The following SRPK2 variants were observed in gnomAD, a reference collection of about 807,000 sequenced individuals.
SRPK2 encodes SFRS protein kinase 2.
SRPK2 carries 21 observed loss-of-function variants against 90.8 expected under a neutral mutation model. The observed-to-expected ratio is 0.23, with a 90% CI of 0.16 to 0.33. The LOEUF is 0.33. Ranked by LOEUF, SRPK2 falls within the 10% of genes least tolerant of loss-of-function variation. SRPK2 has a pLI of 1.00. For missense variants in SRPK2, 620 were observed against 869.0 expected (o/e 0.71, Z 3.60); for synonymous variants, 288 against 311.1 (o/e 0.93, Z 0.78).
At chr7:105,183,485 TTGTC>T (rs983811449) in intron 3 of SRPK2, among the ~76,000 whole-genome samples, 1 of 152,098 alleles carries the variant, frequency 6.6e-6, no homozygotes, top group African/African-American at 2.4e-5. Context: ...GTTTGTTTGT[TTGTC>T]TATTTTTGTT....
chr7:105,275,993 T>C (rs1364273499), intron 2 of SRPK2, among the ~76,000 whole-genome samples: 1 of 152,182 alleles, frequency 6.6e-6, no homozygotes, highest in Non-Finnish European at 1.5e-5. Context: ...TCTGGCAAAT[T>C]TAATAAACTT....
intron 2 of SRPK2, among the ~76,000 whole-genome samples, chr7:105,262,307 G>C (rs758092072): frequency 6.6e-6 from 1 of 152,132 alleles, no homozygotes; most frequent in Non-Finnish European, 1.5e-5. Context: ...AAATTTTAGA[G>C]ACTAGGAACA....
intron 2 of SRPK2, among the ~76,000 whole-genome samples, chr7:105,272,453 A>G (rs989772634): frequency 6.6e-6 from 1 of 152,184 alleles, no homozygotes; most frequent in African/African-American, 2.4e-5. Context: ...ATTTTTAGTC[A>G]TAATTTTGTT....
intron 2 of SRPK2, among the ~76,000 whole-genome samples, chr7:105,326,626 C>A (rs1261275685): frequency 6.6e-6 from 1 of 152,118 alleles, no homozygotes; most frequent in Non-Finnish European, 1.5e-5. Context: ...TTTCAATGCC[C>A]AGAATTACAG....
intron 2 of SRPK2, among the ~76,000 whole-genome samples, chr7:105,275,888 G>A (rs928539660): frequency 6.6e-6 from 1 of 152,264 alleles, no homozygotes; most frequent in Middle Eastern, 3.4e-3. Context: ...TGAGGACCCT[G>A]ACTTTTGTCA....
rs906544416 is a variant in SRPK2 at position 105,168,153 on chromosome 7, C to T, written c.339-58G>A. On this transcript the variant is annotated intron_variant, in intron 4 of 15. Transcript: ENST00000393651. Reference sequence around the variant, plus strand: ...TCTATATTATCAGTAGAAAGAATCACTGGTATCCAGGTTGAGCATCCCTAA... The same window carrying T: ...TCTATATTATCAGTAGAAAGAATCATTGGTATCCAGGTTGAGCATCCCTAA... 3.6e-6 allele frequency: 5 copies of T among 1,397,020 alleles called. No homozygotes were observed. The East Asian group carries it at 1.2e-4, about 34-fold the overall frequency. 86.5% of individuals were successfully genotyped at this position (1,397,020 alleles called of 1,614,324 possible). A position where few individuals can be genotyped will look rare whatever the true frequency, so the allele number is the denominator to read the frequency against.
intron 2 of SRPK2, among the ~76,000 whole-genome samples, chr7:105,350,533 T>TC (rs1817050226): frequency 6.7e-6 from 1 of 148,814 alleles, no homozygotes; most frequent in Admixed American, 6.7e-5. Flanking sequence ...TTTTTTCTTT[T>TC]TTTTTTTTTT....
At chr7:105,114,959 C>CTGAT (rs940203533), downstream of SRPK2, among the ~76,000 whole-genome samples, 55 of 152,194 alleles carry the variant, frequency 3.6e-4, no homozygotes, top group Middle Eastern at 3.4e-3. Flanking sequence ...ATCATCTATC[C>CTGAT]TGATAGTTTC....
At chr7:105,255,831 T>C (rs1457503193) in intron 2 of SRPK2, among the ~76,000 whole-genome samples, 2 of 151,512 alleles carry the variant, frequency 1.3e-5, no homozygotes, top group Non-Finnish European at 2.9e-5. Flanking sequence ...ACTCAGGAGG[T>C]TGAGGCAGGA....
chr7:105,298,989 C>T (rs755429089), intron 2 of SRPK2, among the ~76,000 whole-genome samples: 6 of 152,180 alleles, frequency 3.9e-5, no homozygotes, highest in Non-Finnish European at 7.3e-5. Flanking sequence ...ATGCCCTCTA[C>T]GTTCCACCAG....
At chr7:105,370,297 T>C (rs1408096058) in intron 2 of SRPK2, among the ~76,000 whole-genome samples, 1 of 152,110 alleles carries the variant, frequency 6.6e-6, no homozygotes, top group Non-Finnish European at 1.5e-5. Context: ...TCCCACCCTA[T>C]CTACTAAACC....
intron 2 of SRPK2, among the ~76,000 whole-genome samples, chr7:105,285,089 C>T (rs1807880292): frequency 6.6e-6 from 1 of 152,076 alleles, no homozygotes; most frequent in South Asian, 2.1e-4. Flanking sequence ...TCCAATCACA[C>T]TGAAACAGTA....
intron 2 of SRPK2, among the ~76,000 whole-genome samples, chr7:105,347,722 T>G (rs984301832): frequency 2.6e-5 from 4 of 151,748 alleles, no homozygotes; most frequent in African/African-American, 2.4e-5. Context: ...CCAGGCATGG[T>G]GGCACAAACT....
intron 2 of SRPK2, among the ~76,000 whole-genome samples, chr7:105,256,337 T>TTATG (rs1362975092): frequency 6.6e-6 from 1 of 152,106 alleles, no homozygotes; most frequent in South Asian, 2.1e-4. Context: ...ACTTGCACCA[T>TTATG]TATGTATGTA....
chr7:105,353,399 G>A lies in SRPK2; in HGVS notation c.71+35249C>T, dbSNP rs141847933. On this transcript the variant is annotated intron_variant, in intron 2 of 15. Transcript: ENST00000393651. The stretch of plus-strand genomic sequence containing the variant: ...CTGTCACCCAGGCTGGAATGCAGTG[G>A]TGCAATCATGGCTCACTGCAGCCTT... Among the ~76,000 whole-genome samples the A allele has an allele frequency of 5.9e-3, 897 of 152,172 alleles. 6 individuals carry two copies. The highest frequency in any genetic ancestry group is 0.018 in the African/African-American group (753 of 41,500).
chr7:105,245,039 AC>A, intron 2 of SRPK2: 1 of 262,898 alleles, frequency 3.8e-6, no homozygotes, highest in Non-Finnish European at 6.6e-6. Flanking sequence ...AAACAAACAC[AC>A]ACACACACAC....
rs144742892 is a variant in SRPK2, at chr7:105,238,338, T to C, written c.72-34553A>G. Among the ~76,000 whole-genome samples, 508 of 152,320 alleles carry C rather than the reference T, an allele frequency of 3.3e-3. 7 individuals carry two copies. The highest frequency in any genetic ancestry group is 0.011 in the African/African-American group (444 of 41,566). On this transcript the variant is annotated intron_variant, in intron 2 of 15. Transcript: ENST00000393651. ...CTGGACAGGAGTCAGCATAAAGCAC[T>C]GCTTCCCACTCCAGGAGCCTCAGGA... is the stretch of plus-strand genomic sequence containing the variant.
Position 105,247,475 on chromosome 7 carries a change from C to T in SRPK2, c.72-43690G>A, listed in dbSNP as rs546175822. Among the ~76,000 whole-genome samples the T allele has an allele frequency of 1.2e-4, 18 of 151,268 alleles. No homozygotes were observed. The South Asian group carries it at 3.8e-3, about 32-fold the overall frequency. ...ATGATCAAAGTGCCAATAATGCCTA[C>T]ACAACTACAAATAACACCGGAGTGC... On this transcript the variant is annotated intron_variant, in intron 2 of 15. Coordinates refer to ENST00000393651, the MANE Select transcript of SRPK2 (RefSeq NM_182692.3).
intron 2 of SRPK2, among the ~76,000 whole-genome samples, chr7:105,321,826 T>G (rs988551938): frequency 6.6e-6 from 1 of 152,094 alleles, no homozygotes; most frequent in Non-Finnish European, 1.5e-5. Context: ...TGTGGAGAAA[T>G]TGAAATCCTT....
Sources: allele counts gnomAD v4.1 joint callset (sites outside exome capture counted in the v4.1 genomes callset), GRCh38; gene constraint gnomAD v4.1.1; transcripts MANE v1.5; gene names NCBI Gene and HGNC (gene_info 2026-07-23, HGNC 2026-07-21).